FKTN: variants seen among roughly 807,000 people sequenced by gnomAD.
FKTN encodes fukutin, also known as ribitol-5-phosphate transferase FKTN.
In FKTN, 47 loss-of-function variants were observed where a neutral mutation model predicts 58.6. The observed-to-expected ratio is 0.80, with a 90% confidence interval of 0.63 to 1.02. FKTN has a LOEUF of 1.02. FKTN is among the 50% of genes least tolerant of loss of function. The pLI, the probability that FKTN is intolerant of heterozygous loss-of-function variation, is 0.00. For synonymous variants in FKTN, 178 were observed against 191.9 expected, an observed-to-expected ratio of 0.93 and a Z score of 0.60; for missense variants, 516 against 537.3, an observed-to-expected ratio of 0.96 and a Z score of 0.39.
At chr9:105,615,150 C>G in intron 7 of FKTN, 128 bp from the exon 8 acceptor site, 1 of 991,746 alleles carries the variant, frequency 1.0e-6, no homozygotes, top group East Asian at 2.5e-5. Flanking sequence ...TCCCAAAGTT[C>G]TGGGGTTACA....
intron 10 of FKTN, among the ~76,000 whole-genome samples, chr9:105,621,550 C>A (rs566842431): frequency 6.6e-6 from 1 of 152,050 alleles, no homozygotes; most frequent in Non-Finnish European, 1.5e-5. Flanking sequence ...CTCATTTTCC[C>A]GTTTCTAGTT....
At chr9:105,582,437 T>C (rs1470222003) in intron 3 of FKTN, among the ~76,000 whole-genome samples, 7 of 152,158 alleles carry the variant, frequency 4.6e-5, no homozygotes, top group Non-Finnish European at 1.0e-4. Flanking sequence ...CTCAGGCAGT[T>C]CTGTCACCTC....
At chr9:105,600,721 T>A (rs1049232676) in intron 4 of FKTN, among the ~76,000 whole-genome samples, 2 of 152,170 alleles carry the variant, frequency 1.3e-5, no homozygotes, top group Non-Finnish European at 2.9e-5. Context: ...CAAGACTGAT[T>A]TTTAAAAGCT....
rs115507264 is a variant in FKTN at position 105,573,413 on chromosome 9, T to C, written c.-180-242T>C. On this transcript the variant is annotated intron_variant, in intron 1 of 10. Coordinates refer to ENST00000357998, the MANE Select transcript of FKTN (RefSeq NM_001079802.2). ...CTAAGGCAGGAGGTTCTCTTGAGGCTGGGAGTTTAAGACCAGCTTGGGCAA... is the reference window on the plus strand; with the variant it reads ...CTAAGGCAGGAGGTTCTCTTGAGGCCGGGAGTTTAAGACCAGCTTGGGCAA... 9.0e-3 allele frequency among the ~76,000 whole-genome samples: 1,375 copies of C among 152,254 alleles called. 21 individuals are homozygous for C. Among genetic ancestry groups the C allele is most frequent in the African/African-American group, 0.032 (1,317 of 41,554 alleles).
intron 3 of FKTN, among the ~76,000 whole-genome samples, chr9:105,577,581 A>G (rs1279915706): frequency 2.1e-5 from 3 of 146,294 alleles, no homozygotes; most frequent in East Asian, 2.0e-4. Flanking sequence ...GCCTTGTAGT[A>G]TAGTTTGAAG....
Position 105,563,598 on chromosome 9 carries a change from T to TGG in FKTN, c.-181+5443_-181+5444dup, listed in dbSNP as rs145267923. Among the ~76,000 whole-genome samples the TGG allele has an allele frequency of 7.3e-3, 1,017 of 139,332 alleles. 17 individuals carry two copies. Among genetic ancestry groups the TGG allele is most frequent in the African/African-American group, 0.024 (931 of 38,166 alleles). 91.4% of individuals were successfully genotyped at this position (139,332 alleles called of 152,430 possible). On this transcript the variant is annotated intron_variant, in intron 1 of 10. Coordinates refer to ENST00000357998, the MANE Select transcript of FKTN (RefSeq NM_001079802.2). ...TTGAACTGCAACGTGGCAGCGAGGCTGGGGGGGGGGGCACCCGCCATTGCT... is the reference window on the plus strand; with the variant it reads ...TTGAACTGCAACGTGGCAGCGAGGCTGGGGGGGGGGGGGCACCCGCCATTGCT...
chr9:105,559,029 G>C (rs1009351771), intron 1 of FKTN, among the ~76,000 whole-genome samples: 1 of 152,196 alleles, frequency 6.6e-6, no homozygotes, highest in Non-Finnish European at 1.5e-5. Context: ...GAAAGGAACC[G>C]GGGAAATGCC....
At chr9:105,581,061 C>T (rs935549874) in intron 3 of FKTN, among the ~76,000 whole-genome samples, 44 of 148,720 alleles carry the variant, frequency 3.0e-4, no homozygotes, top group African/African-American at 1.0e-3. Context: ...TCTAGTTATA[C>T]ATTCTTCTCA....
At chr9:105,596,528 G>T in intron 3 of FKTN, 70 bp from the exon 4 acceptor site, 1 of 940,322 alleles carries the variant, frequency 1.1e-6, no homozygotes, top group South Asian at 1.3e-5. Flanking sequence ...TGAATCTCAT[G>T]CCTAACTGAA....
At chr9:105,616,654 G>A (rs1830871295) in intron 8 of FKTN, among the ~76,000 whole-genome samples, 1 of 151,958 alleles carries the variant, frequency 6.6e-6, no homozygotes, top group South Asian at 2.1e-4. Context: ...TTTCTTTATA[G>A]TAACCATATC....
rs1247725676 is a variant in FKTN, at chr9:105,637,708, G to C, written c.*2444G>C. On this transcript the variant is annotated 3_prime_UTR_variant, in exon 11 of 11. Coordinates refer to ENST00000357998, the MANE Select transcript of FKTN (RefSeq NM_001079802.2). The stretch of plus-strand genomic sequence containing the variant: ...GCTTACCTGGGGAAGTTGACAACTT[G>C]TTGGTAGTTAGGCACCCATGAATGT... 3 of 985,400 alleles carry C rather than the reference G, an allele frequency of 3.0e-6. No homozygotes were observed. The highest frequency in any genetic ancestry group is 3.6e-6 in the Non-Finnish European group (3 of 829,942). The allele number at this position is 985,400 out of a possible 1,614,324, so 61.0% of individuals were successfully genotyped here.
At chr9:105,632,000 A>G (rs1477251161) in intron 10 of FKTN, among the ~76,000 whole-genome samples, 1 of 150,084 alleles carries the variant, frequency 6.7e-6, no homozygotes, top group Non-Finnish European at 1.5e-5. Flanking sequence ...TCACAATAGC[A>G]AAGACTTGGA....
In FKTN at chr9:105,636,402, C is replaced by G. The variant is rs1000418386; in HGVS notation, c.*1138C>G. The G allele has an allele frequency of 1.0e-6, 1 of 988,004 alleles. No individual in the cohort carries two copies. 61.2% of individuals were successfully genotyped at this position (988,004 alleles called of 1,614,324 possible). On this transcript the variant is annotated 3_prime_UTR_variant, in exon 11 of 11. Transcript: ENST00000357998. Reference sequence around the variant, plus strand: ...AAATGGTGGACTTGACAACTATTCACCCTACCTCAGATCATAGAGTTTGTA... The same window carrying G: ...AAATGGTGGACTTGACAACTATTCAGCCTACCTCAGATCATAGAGTTTGTA...
At chr9:105,581,830 G>GAA in intron 3 of FKTN, among the ~76,000 whole-genome samples, 2 of 152,192 alleles carry the variant, frequency 1.3e-5, no homozygotes, top group Non-Finnish European at 2.9e-5. Context: ...TTCCGTGGGC[G>GAA]TAGGACCCTC....
chr9:105,608,048 A>T (rs1829228384), intron 7 of FKTN, 97 bp downstream of exon 7: 2 of 998,944 alleles, frequency 2.0e-6, no homozygotes, highest in Admixed American at 3.8e-5. Flanking sequence ...TATGGAAAAT[A>T]GAAAAGTAAA....
Position 105,636,358 on chromosome 9 carries a change from G to T in FKTN, c.*1094G>T. 1 of 983,982 alleles carries T rather than the reference G, an allele frequency of 1.0e-6. No homozygotes were observed. Among genetic ancestry groups the T allele is most frequent in the Non-Finnish European group, 1.2e-6 (1 of 828,648 alleles). 61.0% of individuals were successfully genotyped at this position (983,982 alleles called of 1,614,324 possible). A position where few individuals can be genotyped will look rare whatever the true frequency, so the allele number is the denominator to read the frequency against. The stretch of plus-strand genomic sequence containing the variant: ...TTTCTTCTCCTCTTCTAATATATCA[G>T]ATCTCCAAAATGGAAGCTAAATGGT... On this transcript the variant is annotated 3_prime_UTR_variant, in exon 11 of 11. Coordinates refer to ENST00000357998, the MANE Select transcript of FKTN (RefSeq NM_001079802.2).
intron 3 of FKTN, among the ~76,000 whole-genome samples, chr9:105,583,554 C>G (rs1444244869): frequency 6.6e-6 from 1 of 152,044 alleles, no homozygotes; most frequent in Non-Finnish European, 1.5e-5. Context: ...CATATATGTT[C>G]CTGATGATGT....
chr9:105,565,343 C>T (rs1260529003), intron 1 of FKTN, among the ~76,000 whole-genome samples: 1 of 152,144 alleles, frequency 6.6e-6, no homozygotes, highest in Non-Finnish European at 1.5e-5. Context: ...AAGTAAAAGA[C>T]ACAGACTGGC....
At position 105,636,153 on chromosome 9, in the gene FKTN, A is replaced by G. The variant is rs1417464694; in HGVS notation, c.*889A>G. Reference sequence around the variant, plus strand: ...TATGAGAAATTCATGTACATTTTATATTTTCTGAATTTATAATCTGTGCAC... The same window carrying G: ...TATGAGAAATTCATGTACATTTTATGTTTTCTGAATTTATAATCTGTGCAC... On this transcript the variant is annotated 3_prime_UTR_variant, in exon 11 of 11. Coordinates refer to ENST00000357998, the MANE Select transcript of FKTN (RefSeq NM_001079802.2). The G allele has an allele frequency of 5.3e-6, 5 of 940,834 alleles. No individual in the cohort carries two copies. In the East Asian group the frequency reaches 5.8e-4, roughly 110 times the overall value. 58.3% of individuals were successfully genotyped at this position (940,834 alleles called of 1,614,324 possible). A position where few individuals can be genotyped will look rare whatever the true frequency, so the allele number is the denominator to read the frequency against.
Sources: allele counts gnomAD v4.1 joint callset (sites outside exome capture counted in the v4.1 genomes callset), GRCh38; gene constraint gnomAD v4.1.1; transcripts MANE v1.5; gene names NCBI Gene and HGNC (gene_info 2026-07-23, HGNC 2026-07-21).